ART1: variants seen among roughly 807,000 people sequenced by gnomAD.
ART1 encodes ADP-ribosyltransferase 1.
Under a neutral mutation model 27.0 loss-of-function variants are expected in ART1, and 29 were observed. The observed-to-expected ratio is 1.08, with a 90% CI of 0.80 to 1.47. The LOEUF is 1.47. Among genes scored for constraint, ART1 ranks in the 40% most tolerant of loss-of-function variants. The pLI, the probability that ART1 is intolerant of heterozygous loss-of-function variation, is 0.00. For missense variants in ART1, 480 were observed against 423.0 expected, an observed-to-expected ratio of 1.13 and a Z score of -1.18; for synonymous variants, 201 against 172.2, an observed-to-expected ratio of 1.17 and a Z score of -1.31.
intron 1 of ART1, among the ~76,000 whole-genome samples, chr11:3,649,161 C>T (rs142483305): frequency 0.011 from 1,711 of 152,170 alleles, 27 homozygotes; most frequent in African/African-American, 0.037. Flanking sequence ...TCCTTCACTA[C>T]GGGCAACCTT....
chr11:3,649,644 T>C (rs2077501672), intron 1 of ART1, among the ~76,000 whole-genome samples: 1 of 152,212 alleles, frequency 6.6e-6, no homozygotes, highest in Admixed American at 6.5e-5. Flanking sequence ...CACCCTGTAA[T>C]CTTTTTATCA....
rs541992919 is a variant in ART1 at position 3,663,519 on chromosome 11, C to T, written c.887-573C>T. 4.2e-4 allele frequency among the ~76,000 whole-genome samples: 64 copies of T among 152,270 alleles called. 1 individual carries two copies. The South Asian group carries it at 0.013, about 31-fold the overall frequency. ...GGCAATAGAAGGCAGTTAAGTTAGACCCAATGACCTCTGGAAGAGAAACTG... is the reference window on the plus strand; with the variant it reads ...GGCAATAGAAGGCAGTTAAGTTAGATCCAATGACCTCTGGAAGAGAAACTG... On this transcript the variant is annotated intron_variant, in intron 4 of 4. Transcript: ENST00000250693.
chr11:3,645,700 G>A (rs1266493991), intron 1 of ART1, among the ~76,000 whole-genome samples: 3 of 152,114 alleles, frequency 2.0e-5, no homozygotes, highest in Non-Finnish European at 4.4e-5. Context: ...TGCCCTCAAG[G>A]AACTCACTGG....
chr11:3,651,293 G>A (rs1019447537), intron 1 of ART1, among the ~76,000 whole-genome samples: 2 of 150,466 alleles, frequency 1.3e-5, no homozygotes, highest in African/African-American at 2.5e-5. Flanking sequence ...TACCTGGGCT[G>A]TACTGCCGCA....
In ART1 at chr11:3,661,394, T is replaced by C; in HGVS notation, c.867T>C (p.Pro289=). ...YIKDKKCKSG[P]CHLDNSAMGQ... is the part of the protein sequence containing the mutation. ...TAGACAAGAAGTGCAAGTCTGGGCCTTGCCATCTGGATAATTCAGGTAAGG... is the reference window on the plus strand; with the variant it reads ...TAGACAAGAAGTGCAAGTCTGGGCCCTGCCATCTGGATAATTCAGGTAAGG... Residue 289 remains proline (P), a synonymous_variant, in exon 4 of 5, where the codon CCT becomes CCC. Coordinates refer to ENST00000250693, the MANE Select transcript of ART1 (RefSeq NM_004314.3). 5 of 1,612,666 alleles carry C rather than the reference T, an allele frequency of 3.1e-6. No individual in the cohort carries two copies. Among genetic ancestry groups the C allele is most frequent in the Non-Finnish European group, 4.2e-6 (5 of 1,179,526 alleles).
At chr11:3,660,446 T>C in intron 3 of ART1, 83 bp downstream of exon 3, 1 of 1,459,564 alleles carries the variant, frequency 6.9e-7, no homozygotes, top group South Asian at 1.3e-5. Flanking sequence ...CCGAAGCCCC[T>C]ATCTCCTGTG....
intron 4 of ART1, among the ~76,000 whole-genome samples, chr11:3,662,826 A>G (rs2077629622): frequency 6.6e-6 from 1 of 152,202 alleles, no homozygotes; most frequent in South Asian, 2.1e-4. Flanking sequence ...CCTGGGCAAC[A>G]AGAGCGAAAC....
chr11:3,655,794 C>G (rs2077569792), intron 1 of ART1: 1 of 152,126 alleles, frequency 6.6e-6, no homozygotes, highest in Non-Finnish European at 1.5e-5. Context: ...ATGTGTTCCT[C>G]TCATGGGGTG....
At chr11:3,651,634 G>A (rs1220712369) in intron 1 of ART1, among the ~76,000 whole-genome samples, 1 of 151,772 alleles carries the variant, frequency 6.6e-6, no homozygotes. Flanking sequence ...CACAAACTAT[G>A]CTTAGCTCAC....
At chr11:3,653,041 A>C (rs907188294) in intron 1 of ART1, among the ~76,000 whole-genome samples, 3 of 147,162 alleles carry the variant, frequency 2.0e-5, no homozygotes, top group Non-Finnish European at 4.4e-5. Flanking sequence ...CCACAATATC[A>C]CCCCTTACCA....
In ART1 at chr11:3,660,262, C is replaced by A. The variant is rs1352351886; in HGVS notation, c.743C>A (p.Thr248Asn). 8.1e-6 allele frequency: 13 copies of A among 1,613,186 alleles called. No homozygotes were observed. The highest frequency in any genetic ancestry group is 6.7e-5 in the East Asian group (3 of 44,884). ...GAGGTGCTGATCCCCCCCTTTGAGA[C>A]CTTCCAAGTGATCAATGCCAGCAGA... ...EEEVLIPPFE[T>N]FQVINASRLA... Residue 248 changes from threonine to asparagine, a missense_variant, in exon 3 of 5, where the codon ACC becomes AAC. Thr to Asn is a moderately conservative substitution (Grantham distance 65). Transcript: ENST00000250693.
intron 1 of ART1, among the ~76,000 whole-genome samples, chr11:3,653,217 G>A (rs1405158855): frequency 6.7e-6 from 1 of 148,652 alleles, no homozygotes; most frequent in Non-Finnish European, 1.5e-5. Context: ...ATTAATATAA[G>A]AAGACAGGAA....
At chr11:3,658,392 A>G (rs777787225) in intron 1 of ART1, among the ~76,000 whole-genome samples, 3 of 150,848 alleles carry the variant, frequency 2.0e-5, no homozygotes, top group Non-Finnish European at 2.9e-5. Context: ...TCCAATCCAG[A>G]CCCAATGCCT....
chr11:3,653,653 T>C (rs1050594413), intron 1 of ART1, among the ~76,000 whole-genome samples: 1 of 151,968 alleles, frequency 6.6e-6, no homozygotes, highest in Non-Finnish European at 1.5e-5. Flanking sequence ...GAGCTTCGTA[T>C]TTTTTTTAAA....
chr11:3,649,666 C>G (rs1279094123), intron 1 of ART1, among the ~76,000 whole-genome samples: 3 of 152,216 alleles, frequency 2.0e-5, no homozygotes, highest in Admixed American at 6.5e-5. Context: ...CTCCCCTCCT[C>G]ACACCCGGTC....
chr11:3,657,763 T>G (rs2077585846), intron 1 of ART1, among the ~76,000 whole-genome samples: 1 of 152,172 alleles, frequency 6.6e-6, no homozygotes, highest in South Asian at 2.1e-4. Flanking sequence ...TCTCAAAATC[T>G]TTCCTATAAA....
At chr11:3,648,843 G>T (rs1250569528) in intron 1 of ART1, among the ~76,000 whole-genome samples, 1 of 151,102 alleles carries the variant, frequency 6.6e-6, no homozygotes, top group Non-Finnish European at 1.5e-5. Context: ...TTTTCTGGGG[G>T]AGGGGCAAAA....
intron 1 of ART1, among the ~76,000 whole-genome samples, chr11:3,653,832 T>A (rs111629952): frequency 8.6e-6 from 1 of 116,694 alleles, no homozygotes; most frequent in African/African-American, 3.4e-5. Context: ...AGACATCAAG[T>A]CTTGTAAATT....
In ART1 at chr11:3,660,350, C is replaced by T. The variant is rs369235320; in HGVS notation, c.831C>T (p.Cys277=). 1.5e-5 allele frequency: 24 copies of T among 1,600,948 alleles called. No individual in the cohort carries two copies. Among genetic ancestry groups the T allele is most frequent in the Non-Finnish European group, 1.8e-5 (21 of 1,178,502 alleles). ...TGGGCAAGCACAGCACCTACAACTG[C>T]GAGTACATCAAAGGTAGGAGGGCAA... ...RALGKHSTYN[C]EYIKDKKCKS... The change falls in exon 3 of 5, where the codon TGC becomes TGT. Residue 277 remains cysteine (C), a synonymous_variant. Transcript: ENST00000250693.
Sources: allele counts gnomAD v4.1 joint callset (sites outside exome capture counted in the v4.1 genomes callset), GRCh38; gene constraint gnomAD v4.1.1; transcripts MANE v1.5; gene names NCBI Gene and HGNC (gene_info 2026-07-23, HGNC 2026-07-21).